TNS3: variants seen among roughly 807,000 people sequenced by gnomAD.
TNS3 encodes the protein tensin 3.
A neutral mutation model predicts 140.9 loss-of-function variants in TNS3; 45 were observed. That is an observed-to-expected ratio of 0.32 (90% CI 0.25 to 0.41). The LOEUF (loss-of-function observed/expected upper bound fraction) is 0.41, where lower values mean the gene tolerates loss of function less well. TNS3 is among the 10% of genes least tolerant of loss of function. TNS3 has a pLI of 1.00. For missense variants in TNS3, 1,716 were observed against 1,906.7 expected (o/e 0.90, Z 1.86); for synonymous variants, 815 against 788.4 (o/e 1.03, Z -0.56).
At chr7:47,439,400 G>T in intron 6 of TNS3, 87 bp downstream of exon 6, 1 of 1,450,130 alleles carries the variant, frequency 6.9e-7, no homozygotes, top group Non-Finnish European at 9.4e-7. Flanking sequence ...TCCCTCATGT[G>T]TAAACCAGTG....
At position 47,472,369 on chromosome 7, in the gene TNS3, C is replaced by A. The variant is rs193166363; in HGVS notation, c.-76+8734G>T. 5.3e-5 allele frequency among the ~76,000 whole-genome samples: 8 copies of A among 152,328 alleles called. No individual in the cohort carries two copies. In the East Asian group the frequency reaches 1.5e-3, roughly 29 times the overall value. ...CACTGCATGTTCCAGGTCGAATGTTCTCATAGCACGTCGTTTCCTTACCTG... is the reference window on the plus strand; with the variant it reads ...CACTGCATGTTCCAGGTCGAATGTTATCATAGCACGTCGTTTCCTTACCTG... On this transcript the variant is annotated intron_variant, in intron 4 of 30. Coordinates refer to ENST00000311160, the MANE Select transcript of TNS3 (RefSeq NM_022748.12).
intron 10 of TNS3, 139 bp from the exon 11 acceptor site, chr7:47,415,345 T>G: frequency 3.3e-6 from 2 of 610,636 alleles, no homozygotes; most frequent in Non-Finnish European, 5.7e-6. Context: ...CCAGGGGTTC[T>G]CAGCATGGTG....
At chr7:47,453,062 C>T in intron 4 of TNS3, 1 of 985,516 alleles carries the variant, frequency 1.0e-6, no homozygotes, top group Non-Finnish European at 1.2e-6. Flanking sequence ...CTCGGCAGCT[C>T]TGGGCATAAA....
chr7:47,440,871 T>C (rs1156257930), intron 5 of TNS3, among the ~76,000 whole-genome samples: 1 of 152,174 alleles, frequency 6.6e-6, no homozygotes. Context: ...CTCTCTTTCT[T>C]TTAATTTTGG....
At chr7:47,363,551 T>C (rs1410412789) in intron 17 of TNS3, among the ~76,000 whole-genome samples, 1 of 152,214 alleles carries the variant, frequency 6.6e-6, no homozygotes, top group East Asian at 1.9e-4. Flanking sequence ...AGTGAAAGAT[T>C]CTGGTAACTT....
At chr7:47,352,860 C>T (rs963986551) in intron 17 of TNS3, among the ~76,000 whole-genome samples, 7 of 152,210 alleles carry the variant, frequency 4.6e-5, no homozygotes, top group African/African-American at 1.4e-4. Flanking sequence ...CGAGTGTGCA[C>T]ACAGAGCCCA....
At position 47,396,801 on chromosome 7, in the gene TNS3, T is replaced by C. The variant is rs551674177; in HGVS notation, c.1023A>G (p.Glu341=). The change falls in exon 16 of 31, where the codon GAA becomes GAG. Residue 341 remains glutamate (E), a splice_region_variant and synonymous_variant. Transcript: ENST00000311160. The part of the protein sequence containing the change: ...DSYENLSADG[E]VLHTQGPVDG... ...TGCACACAAGATGAACACACGCACC[T>C]TCTCCATCTGCACTGAGGTTCTCGT... The C allele has an allele frequency of 5.6e-6, 9 of 1,612,476 alleles. No individual in the cohort carries two copies. The highest frequency in any genetic ancestry group is 3.3e-5 in the Admixed American group (2 of 60,028).
intron 16 of TNS3, among the ~76,000 whole-genome samples, chr7:47,391,223 C>G (rs1229330840): frequency 1.3e-5 from 2 of 152,196 alleles, no homozygotes; most frequent in African/African-American, 4.8e-5. Flanking sequence ...ATTGTACAGG[C>G]AAAGTGGTTG....
intron 1 of TNS3, among the ~76,000 whole-genome samples, chr7:47,536,058 C>T (rs1463539682): frequency 6.6e-6 from 1 of 152,216 alleles, no homozygotes; most frequent in Non-Finnish European, 1.5e-5. Flanking sequence ...ACTTCCGGGC[C>T]TCGGGGATAT....
At chr7:47,520,135 T>C (rs1798920503) in intron 2 of TNS3, among the ~76,000 whole-genome samples, 1 of 152,080 alleles carries the variant, frequency 6.6e-6, no homozygotes, top group Non-Finnish European at 1.5e-5. Flanking sequence ...GCTCCTCACA[T>C]TTCTTAACAC....
At chr7:47,563,107 T>C (rs1800350873) in intron 1 of TNS3, among the ~76,000 whole-genome samples, 1 of 152,206 alleles carries the variant, frequency 6.6e-6, no homozygotes, top group Non-Finnish European at 1.5e-5. Context: ...GGCCAGGCCC[T>C]CTGCCTGGGC....
At chr7:47,529,569 T>G (rs901896896) in intron 1 of TNS3, among the ~76,000 whole-genome samples, 1 of 152,248 alleles carries the variant, frequency 6.6e-6, no homozygotes, top group African/African-American at 2.4e-5. Context: ...ACAGCATAAT[T>G]ATGTTATGAG....
rs1022039716 is a variant in TNS3 at position 47,319,403 on chromosome 7, TAGAG to T, written c.2651-14404_2651-14401del. Among the ~76,000 whole-genome samples, 7 of 150,592 alleles carry T rather than the reference TAGAG, an allele frequency of 4.6e-5. No homozygotes were observed. The South Asian group carries it at 8.5e-4, about 18-fold the overall frequency. ...CGAGAGAGAGAGAGTGAGAGAGTGA[TAGAG>T]AGAGAGACAGAGAGAGAGAGAGAGA... On this transcript the variant is annotated intron_variant, in intron 20 of 30. Transcript: ENST00000311160.
chr7:47,293,923 A>G (rs1309136910), intron 24 of TNS3, 95 bp from the exon 25 acceptor site: 4 of 1,141,474 alleles, frequency 3.5e-6, no homozygotes, highest in Non-Finnish European at 5.2e-6. Flanking sequence ...GCTACAGTTG[A>G]AAAGGCTCTT....
At chr7:47,525,401 C>A (rs1224549649) in intron 2 of TNS3, among the ~76,000 whole-genome samples, 2 of 152,230 alleles carry the variant, frequency 1.3e-5, no homozygotes, top group Non-Finnish European at 2.9e-5. Context: ...CTGGAGACAG[C>A]ATGCCTTACT....
chr7:47,545,157 T>TTC (rs1290551475), intron 1 of TNS3, among the ~76,000 whole-genome samples: 1 of 151,102 alleles, frequency 6.6e-6, no homozygotes, highest in Non-Finnish European at 1.5e-5. Context: ...TTTTTTTTTT[T>TTC]TTTGAGACGG....
At chr7:47,405,762 T>C (rs1268583609) in intron 13 of TNS3, among the ~76,000 whole-genome samples, 2 of 152,112 alleles carry the variant, frequency 1.3e-5, no homozygotes, top group Non-Finnish European at 2.9e-5. Context: ...ACACTTTCAT[T>C]TTCCCTGGCC....
intron 20 of TNS3, among the ~76,000 whole-genome samples, chr7:47,334,717 T>A (rs1321475211): frequency 6.7e-6 from 1 of 148,170 alleles, no homozygotes; most frequent in Non-Finnish European, 1.5e-5. Flanking sequence ...AGTATTTAAA[T>A]CCTGCCTCAG....
At chr7:47,472,766 C>T (rs1464942024) in intron 4 of TNS3, among the ~76,000 whole-genome samples, 1 of 152,214 alleles carries the variant, frequency 6.6e-6, no homozygotes, top group Non-Finnish European at 1.5e-5. Context: ...CTGGTCTGCA[C>T]TTGCTCCAAA....
Sources: gnomAD v4.1 joint callset for allele counts (sites outside exome capture counted in the v4.1 genomes callset) on GRCh38, gnomAD v4.1.1 for gene constraint, MANE v1.5 for transcripts, NCBI Gene and HGNC (gene_info 2026-07-23, HGNC 2026-07-21) for gene names.